The following FGF12 variants were observed in gnomAD, a reference collection of about 807,000 sequenced individuals.
FGF12 encodes fibroblast growth factor 12B.
Under a neutral mutation model 23.6 loss-of-function variants are expected in FGF12, and 14 were observed. That is an observed-to-expected ratio of 0.59 (90% CI 0.39 to 0.93). FGF12 has a LOEUF of 0.93. Among genes scored for constraint, FGF12 ranks in the 40% least tolerant of loss-of-function variants. FGF12 has a pLI of 0.00. For missense variants in FGF12, 175 were observed against 217.8 expected (o/e 0.80, Z 1.24); for synonymous variants, 62 against 77.3 (o/e 0.80, Z 1.04).
intron 2 of FGF12, among the ~76,000 whole-genome samples, chr3:192,519,517 A>G (rs1167078801): frequency 6.6e-6 from 1 of 152,172 alleles, no homozygotes; most frequent in Non-Finnish European, 1.5e-5. Context: ...TATGTCTACT[A>G]GATTTCCATA....
intron 2 of FGF12, among the ~76,000 whole-genome samples, chr3:192,373,647 A>C (rs1719343761): frequency 6.6e-6 from 1 of 152,218 alleles, no homozygotes; most frequent in African/African-American, 2.4e-5. Context: ...GTAAATATGT[A>C]AACATGGGTT....
chr3:192,275,907 C>T (rs965811198), intron 4 of FGF12, among the ~76,000 whole-genome samples: 2 of 152,140 alleles, frequency 1.3e-5, no homozygotes, highest in African/African-American at 2.4e-5. Context: ...CTCACTGTCA[C>T]CTCACTGAGA....
At chr3:192,541,239 A>AT (rs1279430957) in intron 2 of FGF12, among the ~76,000 whole-genome samples, 2 of 151,102 alleles carry the variant, frequency 1.3e-5, no homozygotes, top group African/African-American at 4.9e-5. Flanking sequence ...AGCAAGGGTG[A>AT]TTTTCTCTGA....
intron 2 of FGF12, among the ~76,000 whole-genome samples, chr3:192,391,192 A>G (rs570569045): frequency 1.3e-5 from 2 of 152,304 alleles, no homozygotes; most frequent in South Asian, 4.1e-4. Context: ...TAGTTTTCAG[A>G]CTGTAACAGT....
intron 2 of FGF12, among the ~76,000 whole-genome samples, chr3:192,645,149 C>T (rs531250093): frequency 1.3e-5 from 2 of 152,190 alleles, no homozygotes; most frequent in South Asian, 4.2e-4. Flanking sequence ...AAGTTGGGAT[C>T]TCACCTGTAA....
intron 2 of FGF12, among the ~76,000 whole-genome samples, chr3:192,605,154 G>A (rs571995952): frequency 1.8e-4 from 27 of 152,120 alleles, no homozygotes; most frequent in Admixed American, 8.5e-4. Flanking sequence ...CGAGATAGGC[G>A]GATCATCAGG....
At chr3:192,332,434 A>T (rs11929313) in intron 4 of FGF12, among the ~76,000 whole-genome samples, 1 of 152,218 alleles carries the variant, frequency 6.6e-6, no homozygotes, top group East Asian at 1.9e-4. Flanking sequence ...ATTTAAAAAA[A>T]TACAAACTAT....
At chr3:192,719,786 CAA>C (rs553013127) in intron 2 of FGF12, among the ~76,000 whole-genome samples, 66 of 102,288 alleles carry the variant, frequency 6.5e-4, no homozygotes, top group Admixed American at 1.3e-3. Flanking sequence ...AGACTAAGGG[CAA>C]AAAAAAAAAA....
intron 2 of FGF12, among the ~76,000 whole-genome samples, chr3:192,362,492 G>C (rs946565511): frequency 3.3e-5 from 5 of 151,756 alleles, no homozygotes; most frequent in Non-Finnish European, 5.9e-5. Context: ...GCAGTGTTTG[G>C]TTTTCTGTCC....
chr3:192,301,829 C>T (rs1380740130), intron 4 of FGF12, among the ~76,000 whole-genome samples: 1 of 152,020 alleles, frequency 6.6e-6, no homozygotes, highest in Non-Finnish European at 1.5e-5. Flanking sequence ...GAGTAGAAGT[C>T]AGGTAAGGAA....
At chr3:192,279,111 GT>G (rs1301988917) in intron 4 of FGF12, among the ~76,000 whole-genome samples, 1 of 151,792 alleles carries the variant, frequency 6.6e-6, no homozygotes, top group African/African-American at 2.4e-5. Flanking sequence ...AAAATGATGA[GT>G]TTCATCCATG....
chr3:192,211,580 C>T, intron 4 of FGF12, among the ~76,000 whole-genome samples: 1 of 151,984 alleles, frequency 6.6e-6, no homozygotes, highest in East Asian at 1.9e-4. Context: ...TGCCCCCCAC[C>T]ACGCCTAGCT....
chr3:192,654,483 A>G (rs534127395), intron 2 of FGF12, among the ~76,000 whole-genome samples: 1 of 152,352 alleles, frequency 6.6e-6, no homozygotes, highest in East Asian at 1.9e-4. Context: ...ATGATTTTCT[A>G]CAAGATATTT....
intron 2 of FGF12, among the ~76,000 whole-genome samples, chr3:192,577,611 C>T (rs1228302164): frequency 6.6e-6 from 1 of 152,152 alleles, no homozygotes; most frequent in East Asian, 1.9e-4. Context: ...TAGAGGAATT[C>T]ACTAAAATTT....
chr3:192,715,519 T>TGA (rs1260523482), intron 2 of FGF12, among the ~76,000 whole-genome samples: 2 of 152,200 alleles, frequency 1.3e-5, no homozygotes, highest in Non-Finnish European at 2.9e-5. Context: ...TCTGCAAGAG[T>TGA]GAGTTCAAAT....
intron 4 of FGF12, among the ~76,000 whole-genome samples, chr3:192,273,873 G>C (rs1364941158): frequency 6.6e-6 from 1 of 151,294 alleles, no homozygotes; most frequent in Non-Finnish European, 1.5e-5. Flanking sequence ...CTGATTCAAG[G>C]ATTTGAGTCT....
intron 2 of FGF12, among the ~76,000 whole-genome samples, chr3:192,556,337 T>G (rs1468709959): frequency 7.9e-5 from 12 of 152,198 alleles, no homozygotes. Context: ...AGATTTTCCA[T>G]GCAAATGATA....
chr3:192,163,619 T>C (rs1443252183), intron 5 of FGF12, among the ~76,000 whole-genome samples: 2 of 152,176 alleles, frequency 1.3e-5, no homozygotes, highest in Non-Finnish European at 2.9e-5. Context: ...TATAGAGTCC[T>C]AGGTCATACA....
intron 3 of FGF12, among the ~76,000 whole-genome samples, chr3:192,342,096 A>T (rs1205675711): frequency 1.3e-5 from 2 of 152,208 alleles, no homozygotes; most frequent in Non-Finnish European, 2.9e-5. Flanking sequence ...CACTACTTTA[A>T]GGGCAAGTTG....
Sources: gnomAD v4.1 joint callset for allele counts (sites outside exome capture counted in the v4.1 genomes callset) on GRCh38, gnomAD v4.1.1 for gene constraint, MANE v1.5 for transcripts, NCBI Gene and HGNC (gene_info 2026-07-23, HGNC 2026-07-21) for gene names.